CAMK2D: variants seen among roughly 807,000 people sequenced by gnomAD.
CAMK2D encodes calcium/calmodulin dependent protein kinase II delta.
A neutral mutation model predicts 84.0 loss-of-function variants in CAMK2D; 37 were observed. The ratio of observed to expected loss-of-function variants is 0.44; its 90% confidence interval spans 0.34 to 0.58. The LOEUF is 0.58. CAMK2D is among the 20% of genes least tolerant of loss of function. The probability of loss-of-function intolerance (pLI) is 0.02; values close to 1 mark genes in which losing one functional copy is unlikely to be tolerated. For missense variants in CAMK2D, 448 were observed against 652.5 expected (o/e 0.69, Z 3.41); for synonymous variants, 202 against 212.5 (o/e 0.95, Z 0.43).
intron 4 of CAMK2D, among the ~76,000 whole-genome samples, chr4:113,579,106 T>C (rs2154238759): frequency 6.6e-6 from 1 of 152,350 alleles, no homozygotes; most frequent in South Asian, 2.1e-4. Flanking sequence ...CTAACACGGA[T>C]ATAACAAAAG....
intron 2 of CAMK2D, among the ~76,000 whole-genome samples, chr4:113,687,914 T>C (rs2099364611): frequency 6.6e-6 from 1 of 152,140 alleles, no homozygotes; most frequent in Non-Finnish European, 1.5e-5. Context: ...TGTTACAAAA[T>C]GATACATGAA....
intron 13 of CAMK2D, among the ~76,000 whole-genome samples, 159 bp from the exon 14 acceptor site, chr4:113,505,194 G>C (rs376037509): frequency 2.0e-5 from 3 of 152,136 alleles, no homozygotes; most frequent in Non-Finnish European, 4.4e-5. Flanking sequence ...AATGATGATC[G>C]CTAGTCTCCG....
chr4:113,555,064 C>T (rs1005199581), intron 4 of CAMK2D, among the ~76,000 whole-genome samples: 2 of 151,844 alleles, frequency 1.3e-5, no homozygotes, highest in Non-Finnish European at 1.5e-5. Flanking sequence ...GTATTATTAC[C>T]CTGTATAATA....
intron 2 of CAMK2D, among the ~76,000 whole-genome samples, chr4:113,757,375 A>G (rs747672106): frequency 3.3e-5 from 5 of 152,190 alleles, no homozygotes; most frequent in Middle Eastern, 6.8e-3. Context: ...TATTACTGCT[A>G]TTTTACAGAT....
At chr4:113,569,366 T>C (rs2098741311) in intron 4 of CAMK2D, among the ~76,000 whole-genome samples, 1 of 152,260 alleles carries the variant, frequency 6.6e-6, no homozygotes, top group African/African-American at 2.4e-5. Flanking sequence ...TTCATAGCTT[T>C]AGCTCTTACA....
intron 2 of CAMK2D, among the ~76,000 whole-genome samples, chr4:113,700,535 A>G (rs1201543339): frequency 6.6e-6 from 1 of 152,102 alleles, no homozygotes; most frequent in Non-Finnish European, 1.5e-5. Context: ...TCAAATAACC[A>G]ACTCCTTCAA....
intron 16 of CAMK2D, among the ~76,000 whole-genome samples, chr4:113,484,559 G>C (rs1392774952): frequency 6.6e-6 from 1 of 152,072 alleles, no homozygotes; most frequent in African/African-American, 2.4e-5. Flanking sequence ...CTAAAACATA[G>C]TGGTAAAATG....
intron 3 of CAMK2D, among the ~76,000 whole-genome samples, chr4:113,617,880 CT>C (rs1190894077): frequency 6.7e-6 from 1 of 148,520 alleles, no homozygotes; most frequent in African/African-American, 2.4e-5. Flanking sequence ...TTAAAGGTAA[CT>C]ATTGCTTTGT....
chr4:113,753,004 A>G (rs1268297655), intron 2 of CAMK2D, among the ~76,000 whole-genome samples: 3 of 152,114 alleles, frequency 2.0e-5, no homozygotes, highest in Admixed American at 6.5e-5. Context: ...GTAAATACAG[A>G]CAGATTAAGA....
chr4:113,568,098 TAC>T (rs1451769615), intron 4 of CAMK2D, among the ~76,000 whole-genome samples: 1 of 152,254 alleles, frequency 6.6e-6, no homozygotes, highest in South Asian at 2.1e-4. Flanking sequence ...TGTGGCAAAA[TAC>T]ACACACGATG....
chr4:113,498,787 T>C (rs1046139499), intron 16 of CAMK2D, among the ~76,000 whole-genome samples: 1 of 152,220 alleles, frequency 6.6e-6, no homozygotes, highest in Non-Finnish European at 1.5e-5. Context: ...AAGGTAACAC[T>C]GACAGGAACT....
intron 2 of CAMK2D, among the ~76,000 whole-genome samples, chr4:113,750,641 AATG>A (rs2099614994): frequency 6.6e-6 from 1 of 152,196 alleles, no homozygotes; most frequent in Admixed American, 6.5e-5. Flanking sequence ...TAAAAGATCT[AATG>A]ATGAGCTGAA....
chr4:113,648,386 A>G (rs2099159767), intron 3 of CAMK2D, among the ~76,000 whole-genome samples: 1 of 152,228 alleles, frequency 6.6e-6, no homozygotes, highest in Non-Finnish European at 1.5e-5. Context: ...CCCCCTTGGT[A>G]ATATACTGTT....
chr4:113,676,824 C>A (rs2099320124), intron 2 of CAMK2D, among the ~76,000 whole-genome samples: 1 of 152,206 alleles, frequency 6.6e-6, no homozygotes, highest in East Asian at 1.9e-4. Flanking sequence ...TGCTTTTTCA[C>A]AACTTACTAT....
At chr4:113,506,381 T>G (rs2098127633) in intron 13 of CAMK2D, among the ~76,000 whole-genome samples, 1 of 152,354 alleles carries the variant, frequency 6.6e-6, no homozygotes, top group African/African-American at 2.4e-5. Flanking sequence ...ATGAGAAAAC[T>G]TCTAAACTTT....
intron 3 of CAMK2D, among the ~76,000 whole-genome samples, chr4:113,645,132 T>C (rs549758676): frequency 6.6e-6 from 1 of 152,252 alleles, no homozygotes; most frequent in East Asian, 1.9e-4. Context: ...TTCTCCTGCC[T>C]TAGCCTCCTG....
chr4:113,712,338 G>T (rs974092929), intron 2 of CAMK2D, among the ~76,000 whole-genome samples: 9 of 152,082 alleles, frequency 5.9e-5, no homozygotes, highest in Non-Finnish European at 1.3e-4. Context: ...ACTATCTTTA[G>T]AATAAGGTTC....
chr4:113,475,869 T>C (rs2097605732), intron 16 of CAMK2D, among the ~76,000 whole-genome samples: 1 of 152,100 alleles, frequency 6.6e-6, no homozygotes, highest in Non-Finnish European at 1.5e-5. Flanking sequence ...GCTCCCTGAA[T>C]CAATAAAAGA....
rs145103186 is a variant in CAMK2D at position 113,472,388 on chromosome 4, T to A, written c.1136-6784A>T. 1.8e-4 allele frequency among the ~76,000 whole-genome samples: 28 copies of A among 152,324 alleles called. No individual in the cohort carries two copies. In the East Asian group the frequency reaches 5.2e-3, roughly 28 times the overall value. On this transcript the variant is annotated intron_variant, in intron 16 of 20. Transcript: ENST00000511664. ...CACCTTGGATACTTCAGAGTCTGCATCAGGACCAAAGTTTATGAGGCTGCA... is the reference window on the plus strand; with the variant it reads ...CACCTTGGATACTTCAGAGTCTGCAACAGGACCAAAGTTTATGAGGCTGCA...
Sources: allele counts gnomAD v4.1 joint callset (sites outside exome capture counted in the v4.1 genomes callset), GRCh38; gene constraint gnomAD v4.1.1; transcripts MANE v1.5; gene names NCBI Gene and HGNC (gene_info 2026-07-23, HGNC 2026-07-21).